Variants in DLGAP1 observed in about 807,000 individuals in gnomAD.
The protein encoded by DLGAP1 is disks large-associated protein 1.
A neutral mutation model predicts 90.8 loss-of-function variants in DLGAP1; 11 were observed. The observed-to-expected ratio is 0.12, with a 90% CI of 0.08 to 0.20. The LOEUF is 0.20. DLGAP1 is among the 10% of genes least tolerant of loss of function. DLGAP1 has a pLI of 1.00. For missense variants in DLGAP1, 1,050 were observed against 1,333.8 expected, an observed-to-expected ratio of 0.79 and a Z score of 3.31; for synonymous variants, 558 against 540.7, an observed-to-expected ratio of 1.03 and a Z score of -0.44.
chr18:4,414,719 CTG>C (rs1437467065), intron 1 of DLGAP1, among the ~76,000 whole-genome samples: 2 of 53,028 alleles, frequency 3.8e-5, no homozygotes, highest in Non-Finnish European at 1.3e-4. Context: ...GAGCAAGACT[CTG>C]TCAAAAAAAA....
At chr18:4,452,411 G>T (rs948102832) in intron 1 of DLGAP1, among the ~76,000 whole-genome samples, 1 of 151,982 alleles carries the variant, frequency 6.6e-6, no homozygotes, top group African/African-American at 2.4e-5. Flanking sequence ...AGTGAATATT[G>T]CTCATATTCA....
At position 3,674,387 on chromosome 18, in the gene DLGAP1, G is replaced by A. The variant is rs966067203; in HGVS notation, c.1591+54748C>T. On this transcript the variant is annotated intron_variant, in intron 7 of 12. Coordinates refer to ENST00000315677, the MANE Select transcript of DLGAP1 (RefSeq NM_004746.4). ...TAATTCCAGCACTTTGGGAGGCTGC[G>A]GTGAGACAATCATTTGAGGCCAGGA... Among the ~76,000 whole-genome samples the A allele has an allele frequency of 2.6e-4, 39 of 151,234 alleles. 1 individual carries two copies. Among genetic ancestry groups the A allele is most frequent in the South Asian group, 4.2e-4 (2 of 4,774 alleles).
At chr18:4,427,710 T>G (rs1283352488) in intron 1 of DLGAP1, among the ~76,000 whole-genome samples, 2 of 152,166 alleles carry the variant, frequency 1.3e-5, no homozygotes, top group Non-Finnish European at 2.9e-5. Context: ...TCCATTATTT[T>G]GAGATACTCT....
At chr18:3,889,551 A>G (rs574597434) in intron 3 of DLGAP1, among the ~76,000 whole-genome samples, 42 of 152,340 alleles carry the variant, frequency 2.8e-4, no homozygotes, top group Admixed American at 2.3e-3. Context: ...AAGTGCAGAC[A>G]TTAAGCCCTT....
intron 1 of DLGAP1, among the ~76,000 whole-genome samples, chr18:4,248,273 T>A (rs962722607): frequency 6.6e-6 from 1 of 152,162 alleles, no homozygotes; most frequent in Non-Finnish European, 1.5e-5. Context: ...AACAATAACC[T>A]TCACGGCGAA....
intron 7 of DLGAP1, among the ~76,000 whole-genome samples, chr18:3,681,135 C>T (rs902324809): frequency 6.6e-6 from 1 of 152,208 alleles, no homozygotes; most frequent in Non-Finnish European, 1.5e-5. Flanking sequence ...CTGTTTCCAA[C>T]ACTAGAGTGG....
chr18:4,231,611 CA>C (rs1264432723), intron 1 of DLGAP1, among the ~76,000 whole-genome samples: 1 of 152,060 alleles, frequency 6.6e-6, no homozygotes, highest in Non-Finnish European at 1.5e-5. Context: ...CCTTTGTTTT[CA>C]GTTCTATTTT....
chr18:4,043,129 T>A (rs2075000249), intron 2 of DLGAP1, among the ~76,000 whole-genome samples: 1 of 152,246 alleles, frequency 6.6e-6, no homozygotes, highest in Admixed American at 6.5e-5. Context: ...CTCATATGAT[T>A]TTCATTACTG....
At chr18:4,436,774 A>C (rs1446922873) in intron 1 of DLGAP1, among the ~76,000 whole-genome samples, 1 of 152,220 alleles carries the variant, frequency 6.6e-6, no homozygotes, top group Non-Finnish European at 1.5e-5. Context: ...ATCTTCCTGA[A>C]GGTGAACCAG....
At chr18:3,963,245 T>A (rs374956710) in intron 3 of DLGAP1, among the ~76,000 whole-genome samples, 114 of 145,610 alleles carry the variant, frequency 7.8e-4, no homozygotes, top group South Asian at 1.4e-3. Flanking sequence ...GCTGGGCCAG[T>A]TCCAGCTCCA....
intron 5 of DLGAP1, among the ~76,000 whole-genome samples, chr18:3,782,205 C>T (rs569269696): frequency 1.4e-4 from 21 of 151,358 alleles, no homozygotes; most frequent in African/African-American, 4.4e-4. Flanking sequence ...GGTGCAATCT[C>T]GGCTCACTGT....
At chr18:3,969,546 TA>T in intron 3 of DLGAP1, among the ~76,000 whole-genome samples, 1 of 152,298 alleles carries the variant, frequency 6.6e-6, no homozygotes, top group Admixed American at 6.5e-5. Flanking sequence ...ACCTTATTTG[TA>T]AAAGAGATCC....
At chr18:3,998,677 C>CT (rs2074118381) in intron 3 of DLGAP1, among the ~76,000 whole-genome samples, 1 of 152,046 alleles carries the variant, frequency 6.6e-6, no homozygotes, top group African/African-American at 2.4e-5. Context: ...AAGTAGAGGA[C>CT]TTTTTTCACA....
intron 5 of DLGAP1, among the ~76,000 whole-genome samples, chr18:3,797,771 G>T (rs757207012): frequency 4.6e-5 from 7 of 152,156 alleles, no homozygotes; most frequent in Non-Finnish European, 7.3e-5. Context: ...AACAATCTGG[G>T]ATACTGTAAG....
Position 4,342,676 on chromosome 18 carries a change from G to A in DLGAP1, c.-267+112330C>T, listed in dbSNP as rs1420326840. Reference sequence around the variant, plus strand: ...TTTGGTTTTGGTTAATACTACATTTGCCACAAATCTGCAGATGTATGTTGA... The same window carrying A: ...TTTGGTTTTGGTTAATACTACATTTACCACAAATCTGCAGATGTATGTTGA... On this transcript the variant is annotated intron_variant, in intron 1 of 12. Coordinates refer to ENST00000315677, the MANE Select transcript of DLGAP1 (RefSeq NM_004746.4). The surrounding 1 kb of genome is among the most constrained non-coding windows in gnomAD (Gnocchi z 5.8). Among the ~76,000 whole-genome samples the A allele has an allele frequency of 6.6e-6, 1 of 152,106 alleles. No homozygotes were observed. Among genetic ancestry groups the A allele is most frequent in the East Asian group, 1.9e-4 (1 of 5,182 alleles).
intron 2 of DLGAP1, among the ~76,000 whole-genome samples, chr18:4,123,231 C>A (rs1568409117): frequency 6.6e-6 from 1 of 151,980 alleles, no homozygotes; most frequent in Non-Finnish European, 1.5e-5. Context: ...GTTTTAGTGA[C>A]CAGGGAGCCT....
chr18:4,245,893 C>T (rs577104712), intron 1 of DLGAP1, among the ~76,000 whole-genome samples: 2 of 152,220 alleles, frequency 1.3e-5, no homozygotes, highest in South Asian at 2.1e-4. Context: ...GACAGGGCCC[C>T]GACTCATCTG....
At chr18:3,525,934 AAGG>A (rs1210411180) in intron 10 of DLGAP1, among the ~76,000 whole-genome samples, 1 of 152,106 alleles carries the variant, frequency 6.6e-6, no homozygotes, top group African/African-American at 2.4e-5. Context: ...ACATCCACAA[AAGG>A]ATGGTGTCTA....
intron 10 of DLGAP1, among the ~76,000 whole-genome samples, chr18:3,521,905 C>G (rs1230066714): frequency 2.0e-5 from 3 of 152,278 alleles, no homozygotes; most frequent in African/African-American, 7.2e-5. Context: ...AGGGTTTTAT[C>G]ATGTCTAGCA....
Sources: allele counts gnomAD v4.1 joint callset (sites outside exome capture counted in the v4.1 genomes callset), GRCh38; gene constraint gnomAD v4.1.1; non-coding constraint Gnocchi (gnomAD v3.1); transcripts MANE v1.5; gene names NCBI Gene and HGNC (gene_info 2026-07-23, HGNC 2026-07-21).